Variants in VCAN observed in about 807,000 individuals in gnomAD.
VCAN encodes versican core protein.
Under a neutral mutation model 245.5 loss-of-function variants are expected in VCAN, and 44 were observed. The ratio of observed to expected loss-of-function variants is 0.18; its 90% CI spans 0.14 to 0.23. The LOEUF (loss-of-function observed/expected upper bound fraction) is 0.23, where lower values mean the gene tolerates loss of function less well. Among genes scored for constraint, VCAN ranks in the 10% least tolerant of loss-of-function variants. The probability of loss-of-function intolerance (pLI) is 1.00; values close to 1 mark genes in which losing one functional copy is unlikely to be tolerated. For synonymous variants in VCAN, 1,413 were observed against 1,437.0 expected (o/e 0.98, Z 0.38); for missense variants, 3,793 against 4,057.9 (o/e 0.93, Z 1.77).
In VCAN at chr5:83,557,671, G is replaced by A. The variant is rs895153988; in HGVS notation, c.9735+2633G>A. On this transcript the variant is annotated intron_variant, in intron 12 of 14. Transcript: ENST00000265077. ...TCCATAGTCTAGAAAGGTCCTAAACGTGGTAAATTAGTGAGCATCGCACCT... is the reference window on the plus strand; with the variant it reads ...TCCATAGTCTAGAAAGGTCCTAAACATGGTAAATTAGTGAGCATCGCACCT... Among the ~76,000 whole-genome samples, 9 of 152,190 alleles carry A rather than the reference G, an allele frequency of 5.9e-5. No individual in the cohort carries two copies. In the South Asian group the frequency reaches 8.3e-4, roughly 14 times the overall value.
At chr5:83,477,944 T>C (rs930866503) in intron 1 of VCAN, among the ~76,000 whole-genome samples, 3 of 145,818 alleles carry the variant, frequency 2.1e-5, no homozygotes, top group African/African-American at 8.2e-5. Flanking sequence ...AAAAAAATAA[T>C]TTTTTTCTTT....
At chr5:83,493,408 A>G in intron 3 of VCAN, 138 bp from the exon 4 acceptor site, 2 of 1,176,732 alleles carry the variant, frequency 1.7e-6, no homozygotes, top group Non-Finnish European at 2.5e-6. Flanking sequence ...ATAATGCTGC[A>G]TGAAGTAAAA....
chr5:83,539,658 G>A lies in VCAN; in HGVS notation c.6655G>A (p.Glu2219Lys). ...ATTAGTAACTGAATCTATACCAGCT[G>A]AACATGTAGTCACAGATTCACCAAT... ...TALVTESIPAEHVVTDSPIKK... is the reference protein window; with the variant it reads ...TALVTESIPAKHVVTDSPIKK... Residue 2219 changes from glutamate (E) to lysine (K), a missense_variant, in exon 8 of 15, where the codon GAA becomes AAA. Physicochemically the swap from Glu to Lys is moderately conservative, Grantham distance 56. Coordinates refer to ENST00000265077, the MANE Select transcript of VCAN (RefSeq NM_004385.5). 6.2e-7 allele frequency: 1 copy of A among 1,613,850 alleles called. No individual in the cohort carries two copies. Among genetic ancestry groups the A allele is most frequent in the Non-Finnish European group, 8.5e-7 (1 of 1,179,968 alleles).
rs532565158 is a variant in VCAN at position 83,490,996 on chromosome 5, C to T, written c.445+524C>T. 7.2e-5 allele frequency among the ~76,000 whole-genome samples: 11 copies of T among 152,132 alleles called. No homozygotes were observed. In the South Asian group the frequency reaches 1.9e-3, roughly 26 times the overall value. On this transcript the variant is annotated intron_variant, in intron 3 of 14. Transcript: ENST00000265077. ...GAAGAAATAAGGTATTTAATAAAAACCATGGTACATATCAGAGTCTTAAAA... is the reference window on the plus strand; with the variant it reads ...GAAGAAATAAGGTATTTAATAAAAATCATGGTACATATCAGAGTCTTAAAA...
At chr5:83,533,495 A>G (rs1409716348) in intron 7 of VCAN, among the ~76,000 whole-genome samples, 1 of 152,106 alleles carries the variant, frequency 6.6e-6, no homozygotes, top group African/African-American at 2.4e-5. Context: ...TGTTTGCCCT[A>G]GGGTCTGATA....
intron 5 of VCAN, among the ~76,000 whole-genome samples, chr5:83,499,910 T>G (rs1745279328): frequency 6.6e-6 from 1 of 152,212 alleles, no homozygotes; most frequent in Non-Finnish European, 1.5e-5. Context: ...ATGAGCTCCT[T>G]TAGATATGAA....
At chr5:83,522,330 C>T in intron 7 of VCAN, 21 bp downstream of exon 7, 1 of 1,597,244 alleles carries the variant, frequency 6.3e-7, no homozygotes, top group Non-Finnish European at 8.5e-7. Flanking sequence ...GCTTTCTAGA[C>T]TAGCATTGAA....
intron 7 of VCAN, among the ~76,000 whole-genome samples, chr5:83,533,716 G>A (rs771813216): frequency 6.6e-6 from 1 of 152,068 alleles, no homozygotes; most frequent in Non-Finnish European, 1.5e-5. Context: ...ATTTATTTAG[G>A]TTAGAAAATG....
rs2112441949 is a variant in VCAN at position 83,538,257 on chromosome 5, T to G, written c.5254T>G (p.Leu1752Val). 1 of 1,614,042 alleles carries G rather than the reference T, an allele frequency of 6.2e-7. No homozygotes were observed. Among genetic ancestry groups the G allele is most frequent in the Middle Eastern group, 1.6e-4 (1 of 6,062 alleles). Residue 1752 changes from leucine (L) to valine (V), a missense_variant, in exon 8 of 15, where the codon TTA becomes GTA. Leu to Val is a conservative substitution (Grantham distance 32). This residue lies in a region of VCAN where 3,182 missense variants were observed against 3,250.3 expected (regional missense o/e 0.98). Transcript: ENST00000265077. ...TACACAGAGATCGGATCAATTAATT[T>G]TACCCTTTGAATTAGAAAGTCCAAA... ...SSTQRSDQLI[L>V]PFELESPNVA...
Position 83,548,090 on chromosome 5 carries a change from A to C in VCAN, c.9493+6A>C. On this transcript the variant is annotated splice_donor_region_variant and intron_variant, in intron 10 of 14. Coordinates refer to ENST00000265077, the MANE Select transcript of VCAN (RefSeq NM_004385.5). ...TGGTGCACTTTGTGAGCAAGGTAAG[A>C]GCTATTGCAACATTTGTATGATGAA... is the stretch of plus-strand genomic sequence containing the variant. The C allele has an allele frequency of 6.2e-7, 1 of 1,603,932 alleles. No homozygotes were observed. Among genetic ancestry groups the C allele is most frequent in the South Asian group, 1.1e-5 (1 of 90,870 alleles).
rs774218876 is a variant in VCAN at position 83,520,226 on chromosome 5, G to T, written c.1920G>T (p.Leu640=). The change falls in exon 7 of 15, where the codon CTG becomes CTT. Residue 640 remains leucine (L), a synonymous_variant. Transcript: ENST00000265077. The part of the protein sequence containing the change: ...RITEEFLGKY[L]STTPFPSQHR... The stretch of plus-strand genomic sequence containing the variant: ...CGGAAGAGTTTCTTGGCAAATATCT[G>T]TCTACTACACCTTTTCCATCACAGC... 1.2e-6 allele frequency: 2 copies of T among 1,613,984 alleles called. No individual in the cohort carries two copies. The highest frequency in any genetic ancestry group is 2.2e-5 in the East Asian group (1 of 44,872).
chr5:83,508,910 G>T (rs778039153), intron 5 of VCAN, among the ~76,000 whole-genome samples: 2 of 152,170 alleles, frequency 1.3e-5, no homozygotes, highest in African/African-American at 4.8e-5. Flanking sequence ...AGCTACTCAG[G>T]AAGCTGAGGC....
At position 83,521,451 on chromosome 5, in the gene VCAN, C is replaced by G. The variant is rs148891161; in HGVS notation, c.3145C>G (p.Leu1049Val). 1.9e-6 allele frequency: 3 copies of G among 1,614,136 alleles called. No individual in the cohort carries two copies. Among genetic ancestry groups the G allele is most frequent in the Non-Finnish European group, 2.5e-6 (3 of 1,180,014 alleles). ...EQTAEKPVPALSSTAWTPKEA... is the reference protein window; with the variant it reads ...EQTAEKPVPAVSSTAWTPKEA... ...GACTGCAGAGAAACCAGTTCCTGCT[C>G]TCAGTTCTACAGCTTGGACTCCCAA... The change falls in exon 7 of 15, where the codon CTC (leucine) becomes GTC (valine). Residue 1049 changes from leucine to valine, a missense_variant. Leu to Val is a conservative substitution (Grantham distance 32). Coordinates refer to ENST00000265077, the MANE Select transcript of VCAN (RefSeq NM_004385.5).
rs571956449 is a variant in VCAN at position 83,537,324 on chromosome 5, C to G, written c.4321C>G (p.Gln1441Glu). ...RGQFESVAPSQNFSDSSESDT... is the reference protein window; with the variant it reads ...RGQFESVAPSENFSDSSESDT... ...CCAGTTTGAAAGTGTTGCACCTTCT[C>G]AGAATTTCTCGGACAGCTCTGAAAG... Residue 1441 changes from glutamine (Q) to glutamate (E), a missense_variant, in exon 8 of 15, where the codon CAG becomes GAG. Physicochemically the swap from Gln to Glu is conservative, Grantham distance 29. Around this residue, in one of 5 missense-constraint regions of VCAN, gnomAD observed 3,182 missense variants for 3,250.3 expected, o/e 0.98. Transcript: ENST00000265077. 6 of 1,613,928 alleles carry G rather than the reference C, an allele frequency of 3.7e-6. 1 individual carries two copies. The Admixed American group carries it at 8.3e-5, about 22-fold the overall frequency.
rs1747005688 is a variant in VCAN at position 83,541,801 on chromosome 5, A to G, written c.8798A>G (p.Gln2933Arg). Residue 2933 changes from glutamine to arginine, a missense_variant, in exon 8 of 15, where the codon CAA becomes CGA. Coordinates refer to ENST00000265077, the MANE Select transcript of VCAN (RefSeq NM_004385.5). The part of the protein sequence containing the change: ...VEGTEILQDF[Q>R]NKTDGQVSGE... Reference sequence around the variant, plus strand: ...GGAACTGAGATTCTCCAAGATTTCCAAAACAAAACCGATGGTCAAGTTTCT... The same window carrying G: ...GGAACTGAGATTCTCCAAGATTTCCGAAACAAAACCGATGGTCAAGTTTCT... 2 of 1,614,122 alleles carry G rather than the reference A, an allele frequency of 1.2e-6. No individual in the cohort carries two copies.
rs4033008 is a variant in VCAN, at chr5:83,527,725, AACTC to A, written c.4003+5420_4003+5423del. On this transcript the variant is annotated intron_variant, in intron 7 of 14. Coordinates refer to ENST00000265077, the MANE Select transcript of VCAN (RefSeq NM_004385.5). ...TAACACTTCTTTGGGTAGTTGTACT[AACTC>A]ACTAACCCTGAGGAAAAAGTTAAGA... Among the ~76,000 whole-genome samples, 2,516 of 152,308 alleles carry A rather than the reference AACTC, an allele frequency of 0.017. 141 individuals are homozygous for A. In the East Asian group the frequency reaches 0.19, roughly 12 times the overall value.
At chr5:83,534,486 C>T (rs932109837) in intron 7 of VCAN, among the ~76,000 whole-genome samples, 2 of 151,956 alleles carry the variant, frequency 1.3e-5, no homozygotes, top group Admixed American at 6.6e-5. Context: ...TTTCTCTGTA[C>T]TTAAATGAAA....
chr5:83,512,117 C>A lies in VCAN; in HGVS notation c.763C>A (p.Leu255Ile). The change falls in exon 6 of 15, where the codon CTC becomes ATC. Residue 255 changes from leucine to isoleucine, a missense_variant. Physicochemically the swap from Leu to Ile is conservative, Grantham distance 5. This residue lies in a region of VCAN where 190 missense variants were observed against 288.6 expected (regional missense o/e 0.66). Coordinates refer to ENST00000265077, the MANE Select transcript of VCAN (RefSeq NM_004385.5). Reference protein sequence around the residue: ...VDHLDGDVFHLTVPSKFTFEE... With the variant: ...VDHLDGDVFHITVPSKFTFEE... ...TTTTTTTCCAGGTGATGTGTTCCAC[C>A]TCACTGTCCCCAGTAAATTCACCTT... 6.2e-7 allele frequency: 1 copy of A among 1,614,118 alleles called. No homozygotes were observed. Among genetic ancestry groups the A allele is most frequent in the Non-Finnish European group, 8.5e-7 (1 of 1,180,030 alleles).
At chr5:83,543,881 A>G (rs1228351475) in intron 8 of VCAN, among the ~76,000 whole-genome samples, 2 of 152,208 alleles carry the variant, frequency 1.3e-5, no homozygotes, top group Non-Finnish European at 2.9e-5. Flanking sequence ...TGCAGATTCA[A>G]CTTTCAGAGG....
Sources: gnomAD v4.1 joint callset for allele counts (sites outside exome capture counted in the v4.1 genomes callset) on GRCh38, gnomAD v4.1.1 for gene constraint, gnomAD v4.1.1 regional missense constraint, MANE v1.5 for transcripts, NCBI Gene and HGNC (gene_info 2026-07-23, HGNC 2026-07-21) for gene names.